MS4A4E: variants seen among roughly 807,000 people sequenced by gnomAD.
The protein encoded by MS4A4E is membrane spanning 4-domains A4E, also known as putative membrane-spanning 4-domains subfamily A member 4E.
MS4A4E carries 23 observed loss-of-function variants against 13.3 expected under a neutral mutation model. The ratio of observed to expected loss-of-function variants is 1.73; its 90% CI spans 1.25 to 2.45. The LOEUF (loss-of-function observed/expected upper bound fraction) is 2.45. Ranked by LOEUF, MS4A4E falls within the 30% of genes most tolerant of loss-of-function variation. The pLI is 0.00. For synonymous variants in MS4A4E, 36 were observed against 45.6 expected (o/e 0.79, Z 0.85); for missense variants, 144 against 131.2 (o/e 1.10, Z -0.48).
intron 3 of MS4A4E, among the ~76,000 whole-genome samples, chr11:60,223,125 G>A (rs748711374): frequency 1.3e-5 from 2 of 152,114 alleles, no homozygotes; most frequent in Non-Finnish European, 2.9e-5. Context: ...GAAGAAGGCT[G>A]TCATCAATAC....
intron 1 of MS4A4E, among the ~76,000 whole-genome samples, chr11:60,242,444 C>T (rs539037226): frequency 2.0e-5 from 3 of 152,268 alleles, no homozygotes; most frequent in Admixed American, 6.5e-5. Flanking sequence ...TGGAGAACTA[C>T]GTCAGGCCAC....
chr11:60,214,606 A>G lies in MS4A4E; in HGVS notation c.187T>C (p.Ser63Pro). The change falls in exon 4 of 9, where the codon TCA (serine) becomes CCA (proline). Residue 63 changes from serine to proline, a missense_variant. Coordinates refer to ENST00000651255, the MANE Select transcript of MS4A4E (RefSeq NM_001393391.1). ...HKFSTHSVSL[S>P]VAAGIRTTKG... ...GTTGTTCTAATTCCTGCTGCAACTG[A>G]TAAGGATACTGAAATAATAAAATAA... 1 of 1,529,890 alleles carries G rather than the reference A, an allele frequency of 6.5e-7. No homozygotes were observed. 94.8% of individuals were successfully genotyped at this position (1,529,890 alleles called of 1,614,324 possible).
At chr11:60,218,673 A>G (rs1014940984) in intron 3 of MS4A4E, among the ~76,000 whole-genome samples, 3 of 151,966 alleles carry the variant, frequency 2.0e-5, no homozygotes, top group Non-Finnish European at 4.4e-5. Flanking sequence ...TCTCCTTAGG[A>G]CCCACTCCCA....
rs543818820 is a variant in MS4A4E at position 60,221,717 on chromosome 11, A to G, written c.178+6877T>C. 7.2e-5 allele frequency among the ~76,000 whole-genome samples: 11 copies of G among 152,330 alleles called. No individual in the cohort carries two copies. In the South Asian group the frequency reaches 2.1e-3, roughly 29 times the overall value. On this transcript the variant is annotated intron_variant, in intron 3 of 8. Coordinates refer to ENST00000651255, the MANE Select transcript of MS4A4E (RefSeq NM_001393391.1). ...CAATGGTTTGGCTGAGTAGTCAGGGACTTGGAAGAAGCATGATAGGAAAAT... is the reference window on the plus strand; with the variant it reads ...CAATGGTTTGGCTGAGTAGTCAGGGGCTTGGAAGAAGCATGATAGGAAAAT...
Position 60,213,071 on chromosome 11 carries a change from A to T in MS4A4E, c.284T>A (p.Ile95Asn), listed in dbSNP as rs1345745234. Residue 95 changes from isoleucine to asparagine, a missense_variant, in exon 5 of 9, where the codon ATC becomes AAC. Physicochemically the swap from Ile to Asn is moderately radical, Grantham distance 149. Coordinates refer to ENST00000651255, the MANE Select transcript of MS4A4E (RefSeq NM_001393391.1). ...ATAAAACGTCAAGCTTATTGCATTG[A>T]TTAAGATCCCTGATATAGCCAAGAC... ...SSVLAISGIL[I>N]NAISLTFYSF... The T allele has an allele frequency of 1.9e-6, 1 of 520,784 alleles. No individual in the cohort carries two copies. Among genetic ancestry groups the T allele is most frequent in the Non-Finnish European group, 3.4e-6 (1 of 297,874 alleles). 32.3% of individuals were successfully genotyped at this position (520,784 alleles called of 1,614,324 possible). A position where few individuals can be genotyped will look rare whatever the true frequency, so the allele number is the denominator to read the frequency against.
intron 1 of MS4A4E, among the ~76,000 whole-genome samples, chr11:60,239,546 C>T (rs147692144): frequency 6.6e-6 from 1 of 152,202 alleles, no homozygotes; most frequent in Non-Finnish European, 1.5e-5. Flanking sequence ...ATTCATGGTA[C>T]CGTGTTGTCA....
intron 3 of MS4A4E, among the ~76,000 whole-genome samples, chr11:60,215,918 T>C (rs1219567985): frequency 1.3e-5 from 2 of 152,104 alleles, no homozygotes; most frequent in Non-Finnish European, 2.9e-5. Context: ...TATTTGAAGA[T>C]AGGATTGAAA....
At chr11:60,226,611 A>T (rs2084348114) in intron 3 of MS4A4E, among the ~76,000 whole-genome samples, 1 of 152,216 alleles carries the variant, frequency 6.6e-6, no homozygotes, top group Admixed American at 6.5e-5. Flanking sequence ...AAAACTTTTG[A>T]AAAACTATTA....
intron 8 of MS4A4E, among the ~76,000 whole-genome samples, chr11:60,202,159 C>T (rs1340132040): frequency 2.0e-5 from 3 of 152,200 alleles, no homozygotes; most frequent in African/African-American, 7.2e-5. Flanking sequence ...ACTAAGCAGA[C>T]AGAGAATCAA....
intron 3 of MS4A4E, among the ~76,000 whole-genome samples, chr11:60,226,992 A>C (rs918254599): frequency 6.6e-6 from 1 of 152,222 alleles, no homozygotes; most frequent in Non-Finnish European, 1.5e-5. Flanking sequence ...ACTTATAGTA[A>C]ATAAGTGAAA....
intron 1 of MS4A4E, among the ~76,000 whole-genome samples, chr11:60,239,039 G>A (rs2084517245): frequency 6.6e-6 from 1 of 152,198 alleles, no homozygotes; most frequent in Non-Finnish European, 1.5e-5. Flanking sequence ...GTCAAAAGGT[G>A]CAAACAACCC....
chr11:60,232,649 G>A (rs1033742608), intron 1 of MS4A4E, among the ~76,000 whole-genome samples: 4 of 151,992 alleles, frequency 2.6e-5, no homozygotes, highest in African/African-American at 7.3e-5. Context: ...AAGTCCACAT[G>A]TCTGTTCTAT....
chr11:60,211,184 T>C (rs1482214686), intron 5 of MS4A4E, among the ~76,000 whole-genome samples: 5 of 152,216 alleles, frequency 3.3e-5, no homozygotes, highest in African/African-American at 1.2e-4. Flanking sequence ...AGAGGGAAAT[T>C]AGAGACAAGA....
intron 8 of MS4A4E, among the ~76,000 whole-genome samples, chr11:60,204,411 T>A (rs1026427573): frequency 3.3e-5 from 5 of 152,168 alleles, no homozygotes; most frequent in Admixed American, 1.3e-4. Context: ...GTGAGCAAAT[T>A]ACATCAACTC....
Position 60,229,972 on chromosome 11 carries a change from A to G in MS4A4E, c.84T>C (p.His28=). The G allele has an allele frequency of 6.2e-7, 1 of 1,613,786 alleles. No individual in the cohort carries two copies. Among genetic ancestry groups the G allele is most frequent in the Non-Finnish European group, 8.5e-7 (1 of 1,179,858 alleles). Residue 28 remains histidine, a synonymous_variant, in exon 2 of 9, where the codon CAT becomes CAC. Transcript: ENST00000651255. The stretch of plus-strand genomic sequence containing the variant: ...CTTGCAATCCTTTACACAGATATGA[A>G]TGTATGACATCTATGTTTCCCAGCT... ...VPQLGNIDVI[H]SYLCKGLQEK...
At chr11:60,204,337 G>A (rs1007739623) in intron 8 of MS4A4E, among the ~76,000 whole-genome samples, 1 of 152,136 alleles carries the variant, frequency 6.6e-6, no homozygotes, top group Non-Finnish European at 1.5e-5. Context: ...ACTTTGACTT[G>A]GAGATGCAAA....
At chr11:60,228,304 G>A (rs2084368085) in intron 3 of MS4A4E, among the ~76,000 whole-genome samples, 1 of 152,070 alleles carries the variant, frequency 6.6e-6, no homozygotes, top group Admixed American at 6.6e-5. Context: ...GACACCTCAA[G>A]AAAGAAGATA....
At chr11:60,202,238 CTA>C (rs113309706) in intron 8 of MS4A4E, among the ~76,000 whole-genome samples, 24 of 152,260 alleles carry the variant, frequency 1.6e-4, no homozygotes, top group African/African-American at 5.8e-4. Flanking sequence ...AGGTGAGGAC[CTA>C]TCTCTTGAAG....
At chr11:60,214,309 T>C (rs1293865061) in intron 4 of MS4A4E, among the ~76,000 whole-genome samples, 1 of 152,182 alleles carries the variant, frequency 6.6e-6, no homozygotes, top group Non-Finnish European at 1.5e-5. Context: ...TTTTGAGTGA[T>C]CCCACTTCAT....
Sources: gnomAD v4.1 joint callset for allele counts (sites outside exome capture counted in the v4.1 genomes callset) on GRCh38, gnomAD v4.1.1 for gene constraint, MANE v1.5 for transcripts, NCBI Gene and HGNC (gene_info 2026-07-23, HGNC 2026-07-21) for gene names.